Variants in PCNX4 observed in about 807,000 individuals in gnomAD.
PCNX4 encodes pecanex 4, also known as pecanex-like protein 4.
A neutral mutation model predicts 107.2 loss-of-function variants in PCNX4; 103 were observed. The ratio of observed to expected loss-of-function variants is 0.96; its 90% CI spans 0.82 to 1.13. The LOEUF (loss-of-function observed/expected upper bound fraction) is 1.13. PCNX4 is among the 50% of genes most tolerant of loss of function. The probability of loss-of-function intolerance (pLI) is 0.00; values close to 1 mark genes in which losing one functional copy is unlikely to be tolerated. For missense variants in PCNX4, 1,528 were observed against 1,379.4 expected, an observed-to-expected ratio of 1.11 and a Z score of -1.71; for synonymous variants, 541 against 481.7, an observed-to-expected ratio of 1.12 and a Z score of -1.61.
At chr14:60,115,909 C>A (rs1239063797) in intron 5 of PCNX4, 32 bp from the exon 6 acceptor site, 1 of 1,594,508 alleles carries the variant, frequency 6.3e-7, no homozygotes, top group Non-Finnish European at 8.6e-7. Context: ...TCTAATTCTA[C>A]CTGATAAAAA....
At position 60,138,084 on chromosome 14, in the gene PCNX4, C is replaced by T. The variant is rs2140575154; in HGVS notation, c.*3863C>T. 1 of 148,988 alleles carries T rather than the reference C, an allele frequency of 6.7e-6. No individual in the cohort carries two copies. The highest frequency in any genetic ancestry group is 1.5e-5 in the Non-Finnish European group (1 of 67,742). The allele number at this position is 148,988 out of a possible 1,614,324, so 9.2% of individuals were successfully genotyped here. On this transcript the variant is annotated 3_prime_UTR_variant, in exon 11 of 11. Coordinates refer to ENST00000406854, the MANE Select transcript of PCNX4 (RefSeq NM_001330177.2). ...CCAGCCTGGGCGACAGAGCGAGACT[C>T]CATCTCAAAAAGAAAAAAAAAAAAA...
rs1318428075 is a variant in PCNX4, at chr14:60,118,606, G to C, written c.1856G>C (p.Cys619Ser). The C allele has an allele frequency of 6.2e-7, 1 of 1,613,782 alleles. No homozygotes were observed. Among genetic ancestry groups the C allele is most frequent in the South Asian group, 1.1e-5 (1 of 91,068 alleles). Residue 619 changes from cysteine to serine, a missense_variant, in exon 7 of 11, where the codon TGT becomes TCT. Coordinates refer to ENST00000406854, the MANE Select transcript of PCNX4 (RefSeq NM_001330177.2). ...CCAGGAGCAGCAGGCACCACAGCCT[G>C]TGTGTGTGCAGATACAGTGTACTAC... is the stretch of plus-strand genomic sequence containing the variant. ...SWPGAAGTTACVCADTVYYYQ... is the reference protein window; with the variant it reads ...SWPGAAGTTASVCADTVYYYQ...
At chr14:60,116,974 A>G (rs1895861444) in intron 6 of PCNX4, among the ~76,000 whole-genome samples, 1 of 152,202 alleles carries the variant, frequency 6.6e-6, no homozygotes, top group African/African-American at 2.4e-5. Flanking sequence ...GAATAGGGAT[A>G]TAAAGAAAAA....
At chr14:60,129,239 T>TTAA (rs1187748047) in intron 10 of PCNX4, among the ~76,000 whole-genome samples, 1 of 91,866 alleles carries the variant, frequency 1.1e-5, no homozygotes, top group East Asian at 3.6e-4. Context: ...AGACTCCATC[T>TTAA]CAAAAAAAAA....
rs1194907527 is a variant in PCNX4, at chr14:60,134,992, A to G, written c.*771A>G. On this transcript the variant is annotated 3_prime_UTR_variant, in exon 11 of 11. Coordinates refer to ENST00000406854, the MANE Select transcript of PCNX4 (RefSeq NM_001330177.2). ...AAATGATTTACCCAACAGGACTACC[A>G]GTTACTAGTGTCTTAAGGTATATGA... The G allele has an allele frequency of 1.3e-5, 2 of 152,232 alleles. No homozygotes were observed. The highest frequency in any genetic ancestry group is 2.9e-5 in the Non-Finnish European group (2 of 68,042). 9.4% of individuals were successfully genotyped at this position (152,232 alleles called of 1,614,324 possible). A position where few individuals can be genotyped will look rare whatever the true frequency, so the allele number is the denominator to read the frequency against.
Position 60,134,478 on chromosome 14 carries a change from T to C in PCNX4, c.*257T>C. 2 of 390,736 alleles carry C rather than the reference T, an allele frequency of 5.1e-6. No homozygotes were observed. The highest frequency in any genetic ancestry group is 9.1e-6 in the Non-Finnish European group (2 of 219,692). 24.2% of individuals were successfully genotyped at this position (390,736 alleles called of 1,614,324 possible). On this transcript the variant is annotated 3_prime_UTR_variant, in exon 11 of 11. Transcript: ENST00000406854. ...GGACTTTAGTAGGCTTTGGTAAATGTGAGAAAACTTTTGTAGAATTATCAT... is the reference window on the plus strand; with the variant it reads ...GGACTTTAGTAGGCTTTGGTAAATGCGAGAAAACTTTTGTAGAATTATCAT...
chr14:60,125,621 T>A lies in PCNX4; in HGVS notation c.3081-16T>A, dbSNP rs1595176762. 3 of 1,440,410 alleles carry A rather than the reference T, an allele frequency of 2.1e-6. No individual in the cohort carries two copies. Among genetic ancestry groups the A allele is most frequent in the Non-Finnish European group, 1.8e-6 (2 of 1,091,132 alleles). The allele number at this position is 1,440,410 out of a possible 1,614,324, so 89.2% of individuals were successfully genotyped here. A position where few individuals can be genotyped will look rare whatever the true frequency, so the allele number is the denominator to read the frequency against. On this transcript the variant is annotated splice_polypyrimidine_tract_variant and intron_variant, in intron 9 of 10. Transcript: ENST00000406854. ...AGCAAATATTCTAAAATTCTTCGGT[T>A]CTCCATTTTTTTTAGGTATACTCTG...
chr14:60,100,885 C>G (rs1169320126), intron 1 of PCNX4, among the ~76,000 whole-genome samples: 3 of 152,236 alleles, frequency 2.0e-5, no homozygotes. Flanking sequence ...AATCCACATT[C>G]TATAATGAGT....
intron 10 of PCNX4, among the ~76,000 whole-genome samples, chr14:60,133,372 T>C (rs1896188499): frequency 6.6e-6 from 1 of 152,128 alleles, no homozygotes; most frequent in Non-Finnish European, 1.5e-5. Flanking sequence ...TCAAGTGAAA[T>C]TTACAGAACA....
chr14:60,145,210 T>G lies in PCNX4; in HGVS notation c.*10989T>G. On this transcript the variant is annotated 3_prime_UTR_variant, in exon 11 of 11. Transcript: ENST00000406854. This position sits in a 1 kb window ranked among gnomAD's most constrained non-coding sequence, Gnocchi z 4.0. ...TAGATGTACACAAAAGTACTTCTAATGAGTTTAGCATCATCTCTGGTTTAG... is the reference window on the plus strand; with the variant it reads ...TAGATGTACACAAAAGTACTTCTAAGGAGTTTAGCATCATCTCTGGTTTAG... 1 of 445,796 alleles carries G rather than the reference T, an allele frequency of 2.2e-6. No individual in the cohort carries two copies. The highest frequency in any genetic ancestry group is 3.9e-6 in the Non-Finnish European group (1 of 257,214). 27.6% of individuals were successfully genotyped at this position (445,796 alleles called of 1,614,324 possible).
At chr14:60,105,403 A>G (rs964898613) in intron 1 of PCNX4, among the ~76,000 whole-genome samples, 6 of 152,190 alleles carry the variant, frequency 3.9e-5, no homozygotes, top group African/African-American at 1.2e-4. Context: ...GACAGTTCTG[A>G]AGGACATTTG....
Position 60,127,687 on chromosome 14 carries a change from T to C in PCNX4, c.3267+1864T>C, listed in dbSNP as rs910500205. Among the ~76,000 whole-genome samples, 17 of 152,302 alleles carry C rather than the reference T, an allele frequency of 1.1e-4. No homozygotes were observed. The East Asian group carries it at 2.9e-3, about 26-fold the overall frequency. On this transcript the variant is annotated intron_variant, in intron 10 of 10. Coordinates refer to ENST00000406854, the MANE Select transcript of PCNX4 (RefSeq NM_001330177.2). ...CACCCAGAATTTCTACAGTGTTACC[T>C]GGAATATCCAATTTTCAACAAAAAG... is the stretch of plus-strand genomic sequence containing the variant.
In PCNX4 at chr14:60,125,204, G is replaced by A. The variant is rs774315619; in HGVS notation, c.3033G>A (p.Trp1011Ter). Residue 1011 changes from tryptophan (W) to a stop codon, truncating the protein, a stop_gained, in exon 9 of 11, where the codon TGG (tryptophan) becomes TGA (stop). Transcript: ENST00000406854. LOFTEE classifies it high-confidence loss of function. Reference sequence around the variant, plus strand: ...TGCCTTGGTCTGTTGCTTTGGACTGGCTCACAGAAAAGCCAGAACTGTTTC... The same window carrying A: ...TGCCTTGGTCTGTTGCTTTGGACTGACTCACAGAAAAGCCAGAACTGTTTC... ...GVLPWSVALD[W>*]LTEKPELFQL... 1.2e-6 allele frequency: 2 copies of A among 1,605,018 alleles called. No homozygotes were observed. Among genetic ancestry groups the A allele is most frequent in the Admixed American group, 1.7e-5 (1 of 58,272 alleles).
intron 1 of PCNX4, among the ~76,000 whole-genome samples, chr14:60,095,602 T>C (rs1444444896): frequency 6.6e-6 from 1 of 152,178 alleles, no homozygotes; most frequent in Non-Finnish European, 1.5e-5. Flanking sequence ...TCCTTTCACA[T>C]TTCCCTTCTT....
intron 10 of PCNX4, among the ~76,000 whole-genome samples, chr14:60,127,588 A>G (rs1206399334): frequency 6.6e-6 from 1 of 152,232 alleles, no homozygotes; most frequent in Non-Finnish European, 1.5e-5. Flanking sequence ...CTTCACTACA[A>G]TAAGCCAGCC....
chr14:60,102,200 A>G (rs946951827), intron 1 of PCNX4, among the ~76,000 whole-genome samples: 1 of 152,210 alleles, frequency 6.6e-6, no homozygotes, highest in Non-Finnish European at 1.5e-5. Flanking sequence ...TTAAATGTTT[A>G]ACAGTAGATC....
At position 60,137,477 on chromosome 14, in the gene PCNX4, C is replaced by G. The variant is rs1322917012; in HGVS notation, c.*3256C>G. The G allele has an allele frequency of 6.6e-6, 1 of 152,156 alleles. No homozygotes were observed. Among genetic ancestry groups the G allele is most frequent in the African/African-American group, 2.4e-5 (1 of 41,420 alleles). 9.4% of individuals were successfully genotyped at this position (152,156 alleles called of 1,614,324 possible). A position where few individuals can be genotyped will look rare whatever the true frequency, so the allele number is the denominator to read the frequency against. ...GGTGACCCTTTGCTGCAGCCGCTAC[C>G]CAGAGCAAATGTAAATCCTCTCTGG... On this transcript the variant is annotated 3_prime_UTR_variant, in exon 11 of 11. Coordinates refer to ENST00000406854, the MANE Select transcript of PCNX4 (RefSeq NM_001330177.2).
At chr14:60,110,700 A>G (rs1895724386) in intron 2 of PCNX4, 2 of 167,220 alleles carry the variant, frequency 1.2e-5, no homozygotes, top group East Asian at 1.9e-4. Context: ...GGTCTCATCC[A>G]TATCTGATTT....
chr14:60,133,347 A>T (rs974820380), intron 10 of PCNX4, among the ~76,000 whole-genome samples: 2 of 152,200 alleles, frequency 1.3e-5, no homozygotes, highest in Non-Finnish European at 2.9e-5. Context: ...AAGACCACAT[A>T]TTATGTGATT....
Sources: gnomAD v4.1 joint callset for allele counts (sites outside exome capture counted in the v4.1 genomes callset) on GRCh38, gnomAD v4.1.1 for gene constraint, Gnocchi (gnomAD v3.1) non-coding constraint, MANE v1.5 for transcripts, NCBI Gene and HGNC (gene_info 2026-07-23, HGNC 2026-07-21) for gene names.